RFX2: variants seen among roughly 807,000 people sequenced by gnomAD.
RFX2 encodes DNA-binding protein RFX2.
A neutral mutation model predicts 87.8 loss-of-function variants in RFX2; 20 were observed. That is an observed-to-expected ratio of 0.23 (90% CI 0.16 to 0.33). RFX2 has a LOEUF of 0.33. Among genes scored for constraint, RFX2 ranks in the 10% least tolerant of loss-of-function variants. The pLI is 1.00. For missense variants in RFX2, 767 were observed against 1,012.3 expected, an observed-to-expected ratio of 0.76 and a Z score of 3.29; for synonymous variants, 397 against 431.3, an observed-to-expected ratio of 0.92 and a Z score of 0.98.
chr19:6,025,913 G>A (rs2086882810), intron 6 of RFX2, among the ~76,000 whole-genome samples: 1 of 150,824 alleles, frequency 6.6e-6, no homozygotes, highest in Non-Finnish European at 1.5e-5. Flanking sequence ...AGCCTCCCAA[G>A]TAGCTGGGAT....
Position 6,043,294 on chromosome 19 carries a change from C to T in RFX2, c.180+899G>A, listed in dbSNP as rs201488030. On this transcript the variant is annotated intron_variant, in intron 3 of 17. Transcript: ENST00000303657. ...CCACTGGCCTGAGGCCCTGCGTCCC[C>T]GCTGGGCCTGTCTGGAGCCTTTTCC... 1.2e-4 allele frequency among the ~76,000 whole-genome samples: 18 copies of T among 152,326 alleles called. No individual in the cohort carries two copies. The East Asian group carries it at 2.3e-3, about 20-fold the overall frequency.
In RFX2 at chr19:6,050,503, A is replaced by G. The variant is rs2087253432; in HGVS notation, c.-8-2999T>C. Among the ~76,000 whole-genome samples the G allele has an allele frequency of 2.0e-5, 3 of 152,344 alleles. 1 individual carries two copies. The highest frequency in any genetic ancestry group is 6.8e-3 in the Middle Eastern group (2 of 294). ...AATGAATGAACATATGGGAATCTCA[A>G]TCAAGAAACAAAGTATAAAAGGAGA... On this transcript the variant is annotated intron_variant, in intron 1 of 17. Coordinates refer to ENST00000303657, the MANE Select transcript of RFX2 (RefSeq NM_000635.4). The surrounding 1 kb of genome is among the most constrained non-coding windows in gnomAD (Gnocchi z 4.6).
At chr19:6,033,082 G>A (rs959229031) in intron 5 of RFX2, among the ~76,000 whole-genome samples, 3 of 152,164 alleles carry the variant, frequency 2.0e-5, no homozygotes, top group African/African-American at 7.2e-5. Flanking sequence ...GAGCCACCGC[G>A]CCCAGCAGGA....
Position 6,047,642 on chromosome 19 carries a change from C to T in RFX2, c.-8-138G>A. On this transcript the variant is annotated intron_variant, in intron 1 of 17. Coordinates refer to ENST00000303657, the MANE Select transcript of RFX2 (RefSeq NM_000635.4). The surrounding 1 kb of genome is among the most constrained non-coding windows in gnomAD (Gnocchi z 4.2). ...TCGAAAGGCAGAGACCCTGGTGGTACTGCCTAAGTGAGGAGCTGCGGAAAC... is the reference window on the plus strand; with the variant it reads ...TCGAAAGGCAGAGACCCTGGTGGTATTGCCTAAGTGAGGAGCTGCGGAAAC... 1 of 703,440 alleles carries T rather than the reference C, an allele frequency of 1.4e-6. No homozygotes were observed. The highest frequency in any genetic ancestry group is 2.4e-6 in the Non-Finnish European group (1 of 408,174). The allele number at this position is 703,440 out of a possible 1,614,324, so 43.6% of individuals were successfully genotyped here.
intron 5 of RFX2, among the ~76,000 whole-genome samples, chr19:6,038,342 A>AAC (rs1418221047): frequency 2.0e-5 from 3 of 150,554 alleles, no homozygotes; most frequent in African/African-American, 7.3e-5. Flanking sequence ...AAAAAAAAAA[A>AAC]AAAAAAAAAA....
intron 1 of RFX2, among the ~76,000 whole-genome samples, chr19:6,052,121 C>T (rs1305279348): frequency 6.6e-6 from 1 of 152,072 alleles, no homozygotes; most frequent in African/African-American, 2.4e-5. Flanking sequence ...CTTGATCCAC[C>T]CACCTCGGCC....
rs545186128 is a variant in RFX2 at position 6,063,826 on chromosome 19, C to T, written c.-8-16322G>A. ...ACCCACTCCATGCCAGGAAACCCCC[C>T]GACCCCTGTCTGACAGCCACAAATG... On this transcript the variant is annotated intron_variant, in intron 1 of 17. Transcript: ENST00000303657. This position sits in a 1 kb window ranked among gnomAD's most constrained non-coding sequence, Gnocchi z 4.0. 2.6e-5 allele frequency among the ~76,000 whole-genome samples: 4 copies of T among 152,332 alleles called. No homozygotes were observed. In the East Asian group the frequency reaches 7.7e-4, roughly 29 times the overall value.
rs757379176 is a variant in RFX2 at position 6,026,223 on chromosome 19, A to T, written c.537T>A (p.Ile179=). ...RSSPATLEMA[I]ENLQKSEGIT... ...TTCCTTCGCTTTTTTGGAGGTTTTC[A>T]ATCGCCATTTCAAGCTAAAGAAAAT... The change falls in exon 6 of 18, where the codon ATT becomes ATA. Residue 179 remains isoleucine (I), a synonymous_variant. Coordinates refer to ENST00000303657, the MANE Select transcript of RFX2 (RefSeq NM_000635.4). This position sits in a 1 kb window ranked among gnomAD's most constrained non-coding sequence, Gnocchi z 4.5. The T allele has an allele frequency of 6.2e-7, 1 of 1,613,780 alleles. No homozygotes were observed. Among genetic ancestry groups the T allele is most frequent in the South Asian group, 1.1e-5 (1 of 91,016 alleles).
chr19:6,081,440 A>G (rs1022494614), intron 1 of RFX2, among the ~76,000 whole-genome samples: 1 of 152,278 alleles, frequency 6.6e-6, no homozygotes, highest in African/African-American at 2.4e-5. Context: ...AGCCCATTGC[A>G]TGAAGGATTA....
rs753304252 is a variant in RFX2 at position 6,001,849 on chromosome 19, C to T, written c.1825G>A (p.Ala609Thr). ...HAGSPSFPKA[A>T]RQFLLKWSFY... ...GACCATTTCAGCAAGAACTGCCGGG[C>T]GGCCTTGGGGAAGCTGGGGCTGCCG... Residue 609 changes from alanine to threonine, a missense_variant, in exon 15 of 18, where the codon GCC (alanine) becomes ACC (threonine). Ala to Thr is a moderately conservative substitution (Grantham distance 58, BLOSUM62 0). This residue lies in a region of RFX2 where 621 missense variants were observed against 873.0 expected (regional missense o/e 0.71). Transcript: ENST00000303657. This position sits in a 1 kb window ranked among gnomAD's most constrained non-coding sequence, Gnocchi z 5.6. The T allele has an allele frequency of 8.1e-6, 13 of 1,612,442 alleles. No individual in the cohort carries two copies. The highest frequency in any genetic ancestry group is 1.3e-5 in the African/African-American group (1 of 75,036).
At position 6,010,278 on chromosome 19, in the gene RFX2, T is replaced by C; in HGVS notation, c.900-27A>G. Reference sequence around the variant, plus strand: ...TAGGCCAGGAACACGCATACCATCATGAGGCCCAGCAGCCCTGCTGCGGGT... The same window carrying C: ...TAGGCCAGGAACACGCATACCATCACGAGGCCCAGCAGCCCTGCTGCGGGT... On this transcript the variant is annotated intron_variant, in intron 8 of 17. Transcript: ENST00000303657. This position sits in a 1 kb window ranked among gnomAD's most constrained non-coding sequence, Gnocchi z 5.0. 2 of 1,467,590 alleles carry C rather than the reference T, an allele frequency of 1.4e-6. No individual in the cohort carries two copies. Among genetic ancestry groups the C allele is most frequent in the Middle Eastern group, 4.8e-4 (2 of 4,204 alleles). 90.9% of individuals were successfully genotyped at this position (1,467,590 alleles called of 1,614,324 possible). A position where few individuals can be genotyped will look rare whatever the true frequency, so the allele number is the denominator to read the frequency against.
In RFX2 at chr19:6,004,196, C is replaced by T. The variant is rs753339216; in HGVS notation, c.1500+5G>A. Reference sequence around the variant, plus strand: ...TGGGGAGCCCAGGCCCCACCCCGGACGCACCTTGGTCTGGATGACCTGTTG... The same window carrying T: ...TGGGGAGCCCAGGCCCCACCCCGGATGCACCTTGGTCTGGATGACCTGTTG... On this transcript the variant is annotated splice_donor_5th_base_variant and intron_variant, in intron 13 of 17. Transcript: ENST00000303657. The surrounding 1 kb of genome is among the most constrained non-coding windows in gnomAD (Gnocchi z 4.8). The T allele has an allele frequency of 1.3e-5, 21 of 1,611,910 alleles. No homozygotes were observed. The highest frequency in any genetic ancestry group is 2.2e-5 in the East Asian group (1 of 44,854).
At chr19:5,995,082 C>CACCTCG in intron 17 of RFX2, 132 bp from the exon 18 acceptor site, 3 of 699,380 alleles carry the variant, frequency 4.3e-6, no homozygotes, top group Non-Finnish European at 7.3e-6. Context: ...CTGTGGACCC[C>CACCTCG]ACCTCGGCCT....
intron 1 of RFX2, among the ~76,000 whole-genome samples, chr19:6,049,722 T>G (rs1599883163): frequency 6.6e-6 from 1 of 152,166 alleles, no homozygotes; most frequent in African/African-American, 2.4e-5. Context: ...GAAACGGGGC[T>G]TCACCATGTT....
At position 6,044,271 on chromosome 19, in the gene RFX2, G is replaced by C; in HGVS notation, c.102C>G (p.Val34=). 1 of 1,559,978 alleles carries C rather than the reference G, an allele frequency of 6.4e-7. No individual in the cohort carries two copies. Among genetic ancestry groups the C allele is most frequent in the East Asian group, 2.4e-5 (1 of 42,190 alleles). The change falls in exon 3 of 18, where the codon GTC becomes GTG. Residue 34 remains valine (V), a synonymous_variant. Transcript: ENST00000303657. The surrounding 1 kb of genome is among the most constrained non-coding windows in gnomAD (Gnocchi z 5.3). ...CTTTGGGATTGGAGCTGGCTGCCTG[G>C]ACCAACACCCTCTAAAAGGGAAGGG... is the stretch of plus-strand genomic sequence containing the variant. ...PVPASPQRVL[V]QAASSNPKGA...
chr19:6,014,026 T>C (rs1461283764), intron 7 of RFX2, among the ~76,000 whole-genome samples: 1 of 152,184 alleles, frequency 6.6e-6, no homozygotes, highest in Middle Eastern at 3.4e-3. Flanking sequence ...TTGGGAACCA[T>C]TACATTAGTT....
chr19:6,052,365 A>G (rs768161685), intron 1 of RFX2, among the ~76,000 whole-genome samples: 2 of 152,244 alleles, frequency 1.3e-5, no homozygotes, highest in Non-Finnish European at 1.5e-5. Flanking sequence ...TGTACCTAGT[A>G]ATACAGCTTC....
intron 1 of RFX2, among the ~76,000 whole-genome samples, chr19:6,069,147 G>A (rs1254258514): frequency 6.6e-6 from 1 of 152,226 alleles, no homozygotes; most frequent in Non-Finnish European, 1.5e-5. Context: ...CACCCAGGTT[G>A]AGATGCTGAG....
rs1374213043 is a variant in RFX2 at position 6,017,529 on chromosome 19, G to T, written c.598-1258C>A. On this transcript the variant is annotated intron_variant, in intron 6 of 17. Coordinates refer to ENST00000303657, the MANE Select transcript of RFX2 (RefSeq NM_000635.4). The surrounding 1 kb of genome is among the most constrained non-coding windows in gnomAD (Gnocchi z 4.1). ...AGGCTTGCACTGATGCCTGCGATTT[G>T]CAGAAAGACAGGAATTCCACGCACA... is the stretch of plus-strand genomic sequence containing the variant. Among the ~76,000 whole-genome samples the T allele has an allele frequency of 6.6e-6, 1 of 152,256 alleles. No individual in the cohort carries two copies. The highest frequency in any genetic ancestry group is 2.4e-5 in the African/African-American group (1 of 41,472).
Sources: gnomAD v4.1 joint callset for allele counts (sites outside exome capture counted in the v4.1 genomes callset) on GRCh38, gnomAD v4.1.1 for gene constraint, gnomAD v4.1.1 regional missense constraint, Gnocchi (gnomAD v3.1) non-coding constraint, MANE v1.5 for transcripts, NCBI Gene and HGNC (gene_info 2026-07-23, HGNC 2026-07-21) for gene names.